The following ASCC3 variants were observed in gnomAD, a reference collection of about 807,000 sequenced individuals.
ASCC3 encodes the protein activating signal cointegrator 1 complex subunit 3.
In ASCC3, 158 loss-of-function variants were observed where a neutral mutation model predicts 256.3. The ratio of observed to expected loss-of-function variants is 0.62; its 90% confidence interval spans 0.54 to 0.70. The LOEUF (loss-of-function observed/expected upper bound fraction) is 0.70. Ranked by LOEUF, ASCC3 falls within the 30% of genes least tolerant of loss-of-function variation. ASCC3 has a pLI of 0.00. For missense variants in ASCC3, 2,259 were observed against 2,626.0 expected (o/e 0.86, Z 3.05); for synonymous variants, 948 against 883.4 (o/e 1.07, Z -1.30).
chr6:100,525,714 A>T (rs897711228), intron 37 of ASCC3, among the ~76,000 whole-genome samples: 1 of 152,188 alleles, frequency 6.6e-6, no homozygotes, highest in African/African-American at 2.4e-5. Context: ...CCTTACTAAT[A>T]TATTTAAGAC....
intron 36 of ASCC3, among the ~76,000 whole-genome samples, chr6:100,541,506 C>A (rs1775462126): frequency 6.6e-6 from 1 of 152,116 alleles, no homozygotes; most frequent in Non-Finnish European, 1.5e-5. Flanking sequence ...GAGATGAAGA[C>A]AACCTTGCCT....
chr6:100,872,452 T>A (rs1773786944), intron 1 of ASCC3, among the ~76,000 whole-genome samples: 1 of 88,940 alleles, frequency 1.1e-5, no homozygotes, highest in African/African-American at 4.5e-5. Flanking sequence ...GAGACCTGAG[T>A]AGAAAAAAAA....
rs1258314967 is a variant in ASCC3, at chr6:100,642,691, G to A, written c.3791C>T (p.Pro1264Leu). The change falls in exon 24 of 42, where the codon CCT (proline) becomes CTT (leucine). Residue 1264 changes from proline to leucine, a missense_variant. By Grantham distance (98) the Pro-to-Leu change is moderately conservative. Around this residue, in one of 2 missense-constraint regions of ASCC3, gnomAD observed 1,839 missense variants for 2,206.7 expected, o/e 0.83. Coordinates refer to ENST00000369162, the MANE Select transcript of ASCC3 (RefSeq NM_006828.4). ...CACTGCTCGGATGTAGTATTGGGAA[G>A]GCAAAGGCTCAAAAATAGGGATTGT... ...VFTIPIFEPL[P>L]SQYYIRAVSD... 5.0e-6 allele frequency: 8 copies of A among 1,613,952 alleles called. No individual in the cohort carries two copies. Among genetic ancestry groups the A allele is most frequent in the Non-Finnish European group, 6.8e-6 (8 of 1,179,886 alleles).
intron 36 of ASCC3, among the ~76,000 whole-genome samples, chr6:100,565,759 A>G (rs1770208946): frequency 6.6e-6 from 1 of 152,202 alleles, no homozygotes; most frequent in Non-Finnish European, 1.5e-5. Flanking sequence ...GGTAACTATG[A>G]GAGAGGATGG....
chr6:100,795,087 CA>C (rs1256821800), intron 8 of ASCC3, among the ~76,000 whole-genome samples: 1 of 152,002 alleles, frequency 6.6e-6, no homozygotes, highest in Non-Finnish European at 1.5e-5. Flanking sequence ...ACGCCATTCA[CA>C]TCACATCACA....
intron 4 of ASCC3, among the ~76,000 whole-genome samples, chr6:100,818,595 A>G (rs1325698673): frequency 6.6e-6 from 1 of 151,196 alleles, no homozygotes; most frequent in Non-Finnish European, 1.5e-5. Flanking sequence ...GAAGAAGAAA[A>G]ATCTGCAGCT....
At chr6:100,649,033 G>C (rs1171141797) in intron 20 of ASCC3, among the ~76,000 whole-genome samples, 1 of 151,780 alleles carries the variant, frequency 6.6e-6, no homozygotes, top group African/African-American at 2.4e-5. Context: ...ACAGAGTTGA[G>C]AGAGTAGTTG....
At chr6:100,762,006 G>A (rs1003861730) in intron 10 of ASCC3, among the ~76,000 whole-genome samples, 14 of 151,954 alleles carry the variant, frequency 9.2e-5, no homozygotes, top group Non-Finnish European at 1.5e-4. Context: ...GTGTGACATC[G>A]AACACTGCCT....
chr6:100,798,517 C>T lies in ASCC3; in HGVS notation c.1395+196G>A, dbSNP rs372098122. ...AGAAATATATGCACAAAAATACACA[C>T]ATTTGTTTAATGTATGAAGAAATAT... On this transcript the variant is annotated intron_variant, in intron 8 of 41. Coordinates refer to ENST00000369162, the MANE Select transcript of ASCC3 (RefSeq NM_006828.4). Among the ~76,000 whole-genome samples the T allele has an allele frequency of 1.9e-4, 29 of 152,042 alleles. No homozygotes were observed. In the East Asian group the frequency reaches 3.3e-3, roughly 17 times the overall value.
chr6:100,584,400 G>A (rs1473454390), intron 36 of ASCC3, among the ~76,000 whole-genome samples: 2 of 151,622 alleles, frequency 1.3e-5, no homozygotes, highest in African/African-American at 4.8e-5. Flanking sequence ...TCAGAGACTA[G>A]GATTGCAACC....
chr6:100,687,417 A>G (rs908572813), intron 13 of ASCC3, among the ~76,000 whole-genome samples: 1 of 152,098 alleles, frequency 6.6e-6, no homozygotes, highest in African/African-American at 2.4e-5. Context: ...GCTGGAGTGC[A>G]GTGGCGTGAT....
chr6:100,767,995 C>CAT (rs1358166097), intron 8 of ASCC3, among the ~76,000 whole-genome samples: 1 of 151,926 alleles, frequency 6.6e-6, no homozygotes, highest in African/African-American at 2.4e-5. Context: ...TTTTTGAGTT[C>CAT]ATATTCATTT....
rs1161224385 is a variant in ASCC3, at chr6:100,595,892, T to G, written c.5304-5833A>C. On this transcript the variant is annotated intron_variant, in intron 34 of 41. Coordinates refer to ENST00000369162, the MANE Select transcript of ASCC3 (RefSeq NM_006828.4). Reference sequence around the variant, plus strand: ...TTATTAATTCCAATTTTTATTTTTATAAATTTCTTTCCTATATTTACATTT... The same window carrying G: ...TTATTAATTCCAATTTTTATTTTTAGAAATTTCTTTCCTATATTTACATTT... Among the ~76,000 whole-genome samples, 4 of 152,324 alleles carry G rather than the reference T, an allele frequency of 2.6e-5. No individual in the cohort carries two copies. In the East Asian group the frequency reaches 7.7e-4, roughly 29 times the overall value.
rs573835833 is a variant in ASCC3 at position 100,689,146 on chromosome 6, C to T, written c.2152-9394G>A. On this transcript the variant is annotated intron_variant, in intron 13 of 41. Transcript: ENST00000369162. ...AGTTCTAGTGATCCTTCTCCAATCT[C>T]GCCAGGGAAAATTAATCACTCCCAT... Among the ~76,000 whole-genome samples, 7 of 152,232 alleles carry T rather than the reference C, an allele frequency of 4.6e-5. No homozygotes were observed. The East Asian group carries it at 7.7e-4, about 17-fold the overall frequency.
At chr6:100,699,965 G>T (rs554589061) in intron 13 of ASCC3, among the ~76,000 whole-genome samples, 1 of 152,238 alleles carries the variant, frequency 6.6e-6, no homozygotes, top group East Asian at 1.9e-4. Flanking sequence ...TAAAAGTTGG[G>T]AAAATGTGCA....
chr6:100,663,176 C>G (rs1490215059), intron 14 of ASCC3, among the ~76,000 whole-genome samples: 1 of 152,044 alleles, frequency 6.6e-6, no homozygotes, highest in Non-Finnish European at 1.5e-5. Context: ...TCTTTGATAG[C>G]AAAGCATTGA....
chr6:100,803,844 C>A (rs9322216), intron 5 of ASCC3, among the ~76,000 whole-genome samples: 59,177 of 151,720 alleles, frequency 0.39, 12,834 homozygotes, highest in Middle Eastern at 0.56. Context: ...AAAATGAGGA[C>A]GTAACTTACA....
intron 39 of ASCC3, among the ~76,000 whole-genome samples, chr6:100,515,109 T>C (rs1484234097): frequency 2.0e-5 from 3 of 152,206 alleles, no homozygotes; most frequent in African/African-American, 7.2e-5. Flanking sequence ...GAACTAATTA[T>C]AACAATGTTC....
intron 36 of ASCC3, among the ~76,000 whole-genome samples, chr6:100,576,533 T>A (rs1479047535): frequency 1.3e-5 from 2 of 152,028 alleles, no homozygotes; most frequent in Non-Finnish European, 2.9e-5. Flanking sequence ...AGGAGCTACC[T>A]TCTATAGAAC....
Sources: gnomAD v4.1 joint callset for allele counts (sites outside exome capture counted in the v4.1 genomes callset) on GRCh38, gnomAD v4.1.1 for gene constraint, gnomAD v4.1.1 regional missense constraint, MANE v1.5 for transcripts, NCBI Gene and HGNC (gene_info 2026-07-23, HGNC 2026-07-21) for gene names.